The following CCL4L2 variants were observed in gnomAD, a reference collection of about 807,000 sequenced individuals.
The protein encoded by CCL4L2 is C-C motif chemokine 4-like.
CCL4L2 carries 3 observed loss-of-function variants against 5.9 expected under a neutral mutation model. The observed-to-expected ratio is 0.51, with a 90% CI of 0.23 to 1.32. The LOEUF (loss-of-function observed/expected upper bound fraction) is 1.32, where lower values mean the gene tolerates loss of function less well. CCL4L2 is among the 40% of genes most tolerant of loss of function. The pLI is 0.18. For missense variants in CCL4L2, 74 were observed against 121.2 expected, an observed-to-expected ratio of 0.61 and a Z score of 1.83; for synonymous variants, 36 against 47.6, an observed-to-expected ratio of 0.76 and a Z score of 1.00.
intron 2 of CCL4L2, chr17:36,212,270 T>C: frequency 1.3e-6 from 1 of 782,872 alleles, no homozygotes; most frequent in South Asian, 1.5e-5. Flanking sequence ...GTTCCTAATC[T>C]GGGCAACCCC....
Position 36,211,321 on chromosome 17 carries a change from C to A in CCL4L2, c.76+104C>A. ...TGGGATCTGGGGATGGGACAAAAGG[C>A]AGCTAGGAAGATTGCCATGTAGTCT... On this transcript the variant is annotated intron_variant, in intron 1 of 2. Coordinates refer to ENST00000617405, the MANE Select transcript of CCL4L2 (RefSeq NM_001291475.2). 24 of 1,365,546 alleles carry A rather than the reference C, an allele frequency of 1.8e-5. 2 individuals are homozygous for A. The South Asian group carries it at 2.7e-4, about 15-fold the overall frequency. 84.6% of individuals were successfully genotyped at this position (1,365,546 alleles called of 1,614,324 possible). A position where few individuals can be genotyped will look rare whatever the true frequency, so the allele number is the denominator to read the frequency against.
At chr17:36,211,242 T>C (rs1322163862) in intron 1 of CCL4L2, 25 bp downstream of exon 1, 32,570 of 1,579,226 alleles carry the variant, frequency 0.021, 4,210 homozygotes, top group South Asian at 0.026. Context: ...GCAGCTGCTA[T>C]TTCGAGTCAA....
At chr17:36,212,188 A>G (rs2068795399) in intron 2 of CCL4L2, 3 of 702,888 alleles carry the variant, frequency 4.3e-6, no homozygotes, top group Middle Eastern at 2.9e-4. Flanking sequence ...TGCTAGAAAA[A>G]CATGTGGAAA....
rs2068797702 is a variant in CCL4L2 at position 36,212,257 on chromosome 17, C to A, written c.192-46C>A. The A allele has an allele frequency of 4.6e-5, 34 of 743,154 alleles. 2 individuals are homozygous for A. In the South Asian group the frequency reaches 5.0e-4, roughly 11 times the overall value. 46.0% of individuals were successfully genotyped at this position (743,154 alleles called of 1,614,324 possible). A position where few individuals can be genotyped will look rare whatever the true frequency, so the allele number is the denominator to read the frequency against. ...CTATTCATACTGATTGCAATGCCCA[C>A]TGGTTCCTAATCTGGGCAACCCCTG... On this transcript the variant is annotated intron_variant, in intron 2 of 2. Transcript: ENST00000617405.
At chr17:36,212,148 C>A in intron 2 of CCL4L2, 1 of 697,620 alleles carries the variant, frequency 1.4e-6, no homozygotes, top group Non-Finnish European at 2.6e-6. Context: ...CAGACAGGTC[C>A]CGTGAGATAT....
At chr17:36,212,062 G>C in intron 2 of CCL4L2, 172 bp downstream of exon 2, 1 of 880,786 alleles carries the variant, frequency 1.1e-6, no homozygotes, top group Non-Finnish European at 1.9e-6. Flanking sequence ...AGTGCTGAAG[G>C]CGGCTGAGTG....
At chr17:36,212,869 GCAAA>G (rs2068818521) in exon 3 of CCL4L2, 2 of 477,672 alleles carry the variant, frequency 4.2e-6, no homozygotes, top group Non-Finnish European at 7.9e-6. Flanking sequence ...AAAATAAAAT[GCAAA>G]CAGTTTCTTT....
intron 1 of CCL4L2, 186 bp from the exon 2 acceptor site, chr17:36,211,590 C>G: frequency 1.3e-6 from 1 of 749,776 alleles, no homozygotes; most frequent in Middle Eastern, 3.8e-4. Context: ...ATTTCTTTCT[C>G]GTTCTTCTCT....
In CCL4L2 at chr17:36,212,632, C is replaced by T. The variant is rs1489160340; in HGVS notation, c.*209C>T. On this transcript the variant is annotated 3_prime_UTR_variant, in exon 3 of 3. Transcript: ENST00000617405. ...TGAGCCTGGATGCTTCTCCATGAGCCGCATCTCCTCCATACTCAGGACTCC... is the reference window on the plus strand; with the variant it reads ...TGAGCCTGGATGCTTCTCCATGAGCTGCATCTCCTCCATACTCAGGACTCC... 2.8e-5 allele frequency: 42 copies of T among 1,524,258 alleles called. 5 individuals carry two copies. Among genetic ancestry groups the T allele is most frequent in the South Asian group, 1.8e-4 (16 of 88,116 alleles). The allele number at this position is 1,524,258 out of a possible 1,614,324, so 94.4% of individuals were successfully genotyped here.
At position 36,211,154 on chromosome 17, in the gene CCL4L2, G is replaced by C; in HGVS notation, c.13G>C (p.Val5Leu). The stretch of plus-strand genomic sequence containing the variant: ...TGCCACCAATACCATGAAGCTCTGC[G>C]TGACTGTCCTGTCTCTCCTCGTGCT... Residue 5 changes from valine (V) to leucine (L), a missense_variant, in exon 1 of 3, where the codon GTG becomes CTG. By Grantham distance (32) the Val-to-Leu change is conservative. Coordinates refer to ENST00000617405, the MANE Select transcript of CCL4L2 (RefSeq NM_001291475.2). 6.3e-7 allele frequency: 1 copy of C among 1,581,630 alleles called. No individual in the cohort carries two copies. Among genetic ancestry groups the C allele is most frequent in the Non-Finnish European group, 8.6e-7 (1 of 1,156,770 alleles).
At position 36,212,524 on chromosome 17, in the gene CCL4L2, T is replaced by C. The variant is rs1188192045; in HGVS notation, c.*101T>C. Reference sequence around the variant, plus strand: ...GCAAGCAAGTCTGCGCTGACCCCAGTGAGTCCTGGGTCCAGGAGTACGTGT... The same window carrying C: ...GCAAGCAAGTCTGCGCTGACCCCAGCGAGTCCTGGGTCCAGGAGTACGTGT... On this transcript the variant is annotated 3_prime_UTR_variant, in exon 3 of 3. Transcript: ENST00000617405. 1.9e-6 allele frequency: 3 copies of C among 1,581,456 alleles called. No homozygotes were observed. The highest frequency in any genetic ancestry group is 1.8e-4 in the Middle Eastern group (1 of 5,654).
In CCL4L2 at chr17:36,212,411, A is replaced by C. The variant is rs1473365773; in HGVS notation, c.300A>C (p.Thr100=). The change falls in exon 3 of 3, where the codon ACA becomes ACC. Residue 100 remains threonine (T), a synonymous_variant. Transcript: ENST00000617405. The stretch of plus-strand genomic sequence containing the variant: ...TCAGGCAGAGGAAGATGCCTACCAC[A>C]GGCAAGGGATAAAGCCAGATGACCT... 2.0e-5 allele frequency: 31 copies of C among 1,541,968 alleles called. No homozygotes were observed. Among genetic ancestry groups the C allele is most frequent in the South Asian group, 1.4e-4 (12 of 88,404 alleles).
intron 2 of CCL4L2, chr17:36,212,148 C>G: frequency 2.9e-6 from 2 of 697,620 alleles, no homozygotes; most frequent in Non-Finnish European, 5.2e-6. Context: ...CAGACAGGTC[C>G]CGTGAGATAT....
rs1357044067 is a variant in CCL4L2, at chr17:36,212,626, A to G, written c.*203A>G. ...GTCACCTGAGCCTGGATGCTTCTCC[A>G]TGAGCCGCATCTCCTCCATACTCAG... On this transcript the variant is annotated 3_prime_UTR_variant, in exon 3 of 3. Transcript: ENST00000617405. 5 of 1,542,948 alleles carry G rather than the reference A, an allele frequency of 3.2e-6. No homozygotes were observed. In the African/African-American group the frequency reaches 4.0e-5, roughly 12 times the overall value.
Position 36,212,380 on chromosome 17 carries a change from C to G in CCL4L2, c.269C>G (p.Thr90Ser), listed in dbSNP as rs1274621718. The change falls in exon 3 of 3, where the codon ACC becomes AGC. Residue 90 changes from threonine (T) to serine (S), a missense_variant. Thr to Ser is a moderately conservative substitution (Grantham distance 58). Transcript: ENST00000617405. ...ATCCACCAGAGCTGCCCCACATGGACCATGGTCAGGCAGAGGAAGATGCCT... is the reference window on the plus strand; with the variant it reads ...ATCCACCAGAGCTGCCCCACATGGAGCATGGTCAGGCAGAGGAAGATGCCT... 3 of 1,409,842 alleles carry G rather than the reference C, an allele frequency of 2.1e-6. No homozygotes were observed. The highest frequency in any genetic ancestry group is 2.0e-6 in the Non-Finnish European group (2 of 997,338). The allele number at this position is 1,409,842 out of a possible 1,614,324, so 87.3% of individuals were successfully genotyped here.
chr17:36,212,775 G>A lies in CCL4L2; in HGVS notation c.*352G>A. The A allele has an allele frequency of 1.5e-6, 1 of 685,378 alleles. No homozygotes were observed. The highest frequency in any genetic ancestry group is 2.6e-5 in the East Asian group (1 of 37,742). 42.5% of individuals were successfully genotyped at this position (685,378 alleles called of 1,614,324 possible). A position where few individuals can be genotyped will look rare whatever the true frequency, so the allele number is the denominator to read the frequency against. On this transcript the variant is annotated 3_prime_UTR_variant, in exon 3 of 3. Coordinates refer to ENST00000617405, the MANE Select transcript of CCL4L2 (RefSeq NM_001291475.2). Reference sequence around the variant, plus strand: ...GCCAAAGGATAAGTGTCCCCTATGGGGATGGTCCACTCTCACTCTTTCTCT... The same window carrying A: ...GCCAAAGGATAAGTGTCCCCTATGGAGATGGTCCACTCTCACTCTTTCTCT...
chr17:36,212,334 T>G lies in CCL4L2; in HGVS notation c.223T>G (p.Cys75Gly). The G allele has an allele frequency of 2.0e-6, 2 of 1,020,950 alleles. No individual in the cohort carries two copies. Among genetic ancestry groups the G allele is most frequent in the Admixed American group, 3.8e-5 (2 of 53,116 alleles). 63.2% of individuals were successfully genotyped at this position (1,020,950 alleles called of 1,614,324 possible). The change falls in exon 3 of 3, where the codon TGC (cysteine) becomes GGC (glycine). Residue 75 changes from cysteine (C) to glycine (G), a missense_variant. Physicochemically the swap from Cys to Gly is radical, Grantham distance 159. Transcript: ENST00000617405. ...GAAGTTACAGGGAGTCTGCTTCCAG[T>G]GCTGCTCCGGGAAGGATCCCATCCA...
chr17:36,212,061 G>T, intron 2 of CCL4L2, 171 bp downstream of exon 2: 1 of 898,240 alleles, frequency 1.1e-6, no homozygotes, highest in Non-Finnish European at 1.8e-6. Flanking sequence ...AAGTGCTGAA[G>T]GCGGCTGAGT....
At chr17:36,211,662 C>T in intron 1 of CCL4L2, 114 bp from the exon 2 acceptor site, 2 of 1,130,002 alleles carry the variant, frequency 1.8e-6, no homozygotes, top group South Asian at 1.3e-5. Context: ...TACAAGGGAC[C>T]ATATTTGGGG....
Sources: gnomAD v4.1 joint callset for allele counts on GRCh38, gnomAD v4.1.1 for gene constraint, MANE v1.5 for transcripts, NCBI Gene and HGNC (gene_info 2026-07-23, HGNC 2026-07-21) for gene names.